Variants in TRIO observed in about 807,000 individuals in gnomAD.
The protein encoded by TRIO is triple functional domain protein.
A neutral mutation model predicts 351.9 loss-of-function variants in TRIO; 58 were observed. The ratio of observed to expected loss-of-function variants is 0.16; its 90% CI spans 0.13 to 0.21. The LOEUF (loss-of-function observed/expected upper bound fraction) is 0.21, where lower values mean the gene tolerates loss of function less well. TRIO is among the 10% of genes least tolerant of loss of function. TRIO has a pLI of 1.00. For synonymous variants in TRIO, 1,758 were observed against 1,595.7 expected (o/e 1.10, Z -2.42); for missense variants, 3,201 against 4,027.8 (o/e 0.79, Z 5.56).
intron 9 of TRIO, among the ~76,000 whole-genome samples, chr5:14,322,293 A>G (rs772034398): frequency 6.6e-6 from 1 of 152,226 alleles, no homozygotes; most frequent in Admixed American, 6.5e-5. Context: ...GGTTGGTCTT[A>G]TATCTGGGAG....
intron 34 of TRIO, among the ~76,000 whole-genome samples, chr5:14,421,216 A>ATTATTTAT (rs1275421945): frequency 1.2e-4 from 16 of 135,952 alleles, no homozygotes; most frequent in South Asian, 6.8e-4. Context: ...CCCTTATTTA[A>ATTATTTAT]TTATTTATTT....
chr5:14,429,091 G>A (rs1182839925), intron 34 of TRIO, among the ~76,000 whole-genome samples: 1 of 152,248 alleles, frequency 6.6e-6, no homozygotes, highest in Non-Finnish European at 1.5e-5. Context: ...ACAGAGAGAT[G>A]ATGTGTTGGG....
intron 8 of TRIO, among the ~76,000 whole-genome samples, chr5:14,314,375 G>A (rs545008258): frequency 6.6e-6 from 1 of 152,308 alleles, no homozygotes; most frequent in South Asian, 2.1e-4. Context: ...TAGATATTCA[G>A]ATGCTGGTCA....
intron 7 of TRIO, among the ~76,000 whole-genome samples, chr5:14,304,231 A>T (rs984421939): frequency 2.0e-5 from 3 of 152,200 alleles, no homozygotes; most frequent in Non-Finnish European, 4.4e-5. Flanking sequence ...TGAGGCATTC[A>T]TCTGAAATGT....
In TRIO at chr5:14,286,972, C is replaced by A. The variant is rs1234973830; in HGVS notation, c.449C>A (p.Pro150His). The A allele has an allele frequency of 6.2e-7, 1 of 1,614,216 alleles. No homozygotes were observed. Among genetic ancestry groups the A allele is most frequent in the Non-Finnish European group, 8.5e-7 (1 of 1,180,038 alleles). Residue 150 changes from proline (P) to histidine (H), a missense_variant, in exon 4 of 57, where the codon CCC becomes CAC. Pro to His is a moderately conservative substitution (Grantham distance 77). Coordinates refer to ENST00000344204, the MANE Select transcript of TRIO (RefSeq NM_007118.4). This position sits in a 1 kb window ranked among gnomAD's most constrained non-coding sequence, Gnocchi z 4.4. ...PLLKILQESF[P>H]CCIHVALIIK... ...CTGAAGATCCTGCAGGAGTCCTTCC[C>A]CTGCTGCATCCATGTGGCCCTGATC...
intron 11 of TRIO, among the ~76,000 whole-genome samples, chr5:14,357,222 G>A (rs1446593871): frequency 6.6e-6 from 1 of 152,252 alleles, no homozygotes; most frequent in Non-Finnish European, 1.5e-5. Flanking sequence ...AGGGTATCAA[G>A]CGGGAGGTCC....
intron 41 of TRIO, among the ~76,000 whole-genome samples, chr5:14,478,510 A>G (rs905062296): frequency 6.6e-6 from 1 of 152,150 alleles, no homozygotes; most frequent in African/African-American, 2.4e-5. Flanking sequence ...AGGATCACTG[A>G]TTTATGGAAA....
chr5:14,152,674 C>T (rs572695720), intron 1 of TRIO, among the ~76,000 whole-genome samples: 7 of 152,322 alleles, frequency 4.6e-5, no homozygotes, highest in South Asian at 2.1e-4. Context: ...CCGTATTTCA[C>T]GCTTTTTAAG....
intron 46 of TRIO, among the ~76,000 whole-genome samples, chr5:14,484,771 C>G (rs1259672279): frequency 6.6e-6 from 1 of 152,058 alleles, no homozygotes; most frequent in Admixed American, 6.6e-5. Context: ...CACTTCCCCA[C>G]CCCCAAGCCC....
At chr5:14,483,998 A>G (rs413762) in intron 46 of TRIO, among the ~76,000 whole-genome samples, 4 of 151,310 alleles carry the variant, frequency 2.6e-5, no homozygotes, top group African/African-American at 9.7e-5. Context: ...CATCTGAACT[A>G]CACCCATCCC....
chr5:14,403,734 AGGTGGTGGTGAGGGTGCAGGT>A (rs1292341589), intron 31 of TRIO, among the ~76,000 whole-genome samples: 1 of 76,064 alleles, frequency 1.3e-5, no homozygotes, highest in Non-Finnish European at 2.7e-5. Context: ...GTGAGGGTGC[AGGTGGTGGTGAGGGTGCAGGT>A]GGTGGTGGTG....
chr5:14,504,728 G>C (rs1400777468), intron 55 of TRIO, 135 bp downstream of exon 55: 11 of 1,098,706 alleles, frequency 1.0e-5, no homozygotes, highest in Non-Finnish European at 1.4e-5. Context: ...CATCTTCACT[G>C]TCAGAGCCCG....
At chr5:14,216,411 G>A (rs779782046) in intron 1 of TRIO, among the ~76,000 whole-genome samples, 1 of 152,192 alleles carries the variant, frequency 6.6e-6, no homozygotes. Flanking sequence ...AAAAGATGTG[G>A]TGTTTCAAAC....
intron 1 of TRIO, among the ~76,000 whole-genome samples, chr5:14,195,171 G>A (rs1251692553): frequency 6.6e-6 from 1 of 152,112 alleles, no homozygotes; most frequent in Non-Finnish European, 1.5e-5. Context: ...TCCATTCCAG[G>A]AGCACACGTT....
intron 1 of TRIO, among the ~76,000 whole-genome samples, chr5:14,253,463 C>T (rs1794856775): frequency 6.6e-6 from 1 of 152,194 alleles, no homozygotes; most frequent in Non-Finnish European, 1.5e-5. Flanking sequence ...TCAAGTGATC[C>T]TCCTGCCTCA....
rs762368269 is a variant in TRIO, at chr5:14,461,185, C to G, written c.5370C>G (p.Asp1790Glu). 2.6e-6 allele frequency: 4 copies of G among 1,561,406 alleles called. 1 individual carries two copies. Among genetic ancestry groups the G allele is most frequent in the South Asian group, 2.4e-5 (2 of 85,056 alleles). ...GGCGGCTCAGCAGCGGCAAGGCCGA[C>G]GGGCACGTGAAGAAGCTGGCGCACA... Reference protein sequence around the residue: ...PVRRLSSGKADGHVKKLAHKH... With the variant: ...PVRRLSSGKAEGHVKKLAHKH... The change falls in exon 35 of 57, where the codon GAC (aspartate) becomes GAG (glutamate). Residue 1790 changes from aspartate (D) to glutamate (E), a missense_variant. By Grantham distance (45) the Asp-to-Glu change is conservative (BLOSUM62 2). Coordinates refer to ENST00000344204, the MANE Select transcript of TRIO (RefSeq NM_007118.4).
At chr5:14,333,141 C>G (rs1049442918) in intron 10 of TRIO, among the ~76,000 whole-genome samples, 1 of 152,168 alleles carries the variant, frequency 6.6e-6, no homozygotes, top group Admixed American at 6.5e-5. Context: ...GGAGTTGTAT[C>G]ACCCGCGGGC....
At chr5:14,482,479 TAC>T (rs1755601301) in intron 45 of TRIO, 101 bp from the exon 46 acceptor site, 12 of 911,784 alleles carry the variant, frequency 1.3e-5, no homozygotes, top group African/African-American at 1.7e-5. Context: ...AAAAGAAAAA[TAC>T]ATTATTCCAT....
chr5:14,307,920 C>G (rs1738520170), intron 8 of TRIO, among the ~76,000 whole-genome samples: 1 of 152,206 alleles, frequency 6.6e-6, no homozygotes, highest in Admixed American at 6.5e-5. Context: ...CTTACTATAT[C>G]AGTCGGTTAT....
Sources: allele counts gnomAD v4.1 joint callset (sites outside exome capture counted in the v4.1 genomes callset), GRCh38; gene constraint gnomAD v4.1.1; non-coding constraint Gnocchi (gnomAD v3.1); transcripts MANE v1.5; gene names NCBI Gene and HGNC (gene_info 2026-07-23, HGNC 2026-07-21).